Variants in TTN observed in about 807,000 individuals in gnomAD.
The protein encoded by TTN is connectin.
In TTN, 1,525 loss-of-function variants were observed where a neutral mutation model predicts 3,223.0. That is an observed-to-expected ratio of 0.47 (90% CI 0.45 to 0.49). The LOEUF is 0.49. Ranked by LOEUF, TTN falls within the 20% of genes least tolerant of loss-of-function variation. The pLI is 0.00. For missense variants in TTN, 40,786 were observed against 43,424.0 expected (o/e 0.94, Z 5.40); for synonymous variants, 14,094 against 15,161.0 (o/e 0.93, Z 5.17).
rs13011633 is a variant in TTN at position 178,771,192 on chromosome 2, C to A, written c.8116+19G>T. 1.2e-6 allele frequency: 2 copies of A among 1,613,602 alleles called. No individual in the cohort carries two copies. The highest frequency in any genetic ancestry group is 1.7e-6 in the Non-Finnish European group (2 of 1,179,950). On this transcript the variant is annotated intron_variant, in intron 34 of 362. Coordinates refer to ENST00000589042, the MANE Select transcript of TTN (RefSeq NM_001267550.2). ...AGATTGTAATATGATTTGAAAAGGA[C>A]AAATCCTATGTTACTTGCCTTCAAC...
At chr2:178,708,893 A>G (rs2076247863) in intron 99 of TTN, among the ~76,000 whole-genome samples, 2 of 152,178 alleles carry the variant, frequency 1.3e-5, no homozygotes, top group South Asian at 4.1e-4. Flanking sequence ...TGATGAAGCT[A>G]TGTTGTAATT....
In TTN at chr2:178,652,264, C is replaced by A. The variant is rs1334646153; in HGVS notation, c.39211G>T (p.Val13071Phe). Residue 13071 changes from valine (V) to phenylalanine (F), a missense_variant and splice_region_variant, in exon 203 of 363, where the codon GTC (valine) becomes TTC (phenylalanine). Val to Phe is a conservative substitution (Grantham distance 50). Coordinates refer to ENST00000589042, the MANE Select transcript of TTN (RefSeq NM_001267550.2). Reference sequence around the variant, plus strand: ...AACACAGCACCATGAGGGTGTCTACCTTTTGTGGGTGGCACTTCAGGCTTT... The same window carrying A: ...AACACAGCACCATGAGGGTGTCTACATTTTGTGGGTGGCACTTCAGGCTTT... ...PKKPEVPPTKVPEVPKVAVPE... is the reference protein window; with the variant it reads ...PKKPEVPPTKFPEVPKVAVPE... 6.2e-7 allele frequency: 1 copy of A among 1,613,544 alleles called. No homozygotes were observed. The highest frequency in any genetic ancestry group is 1.7e-5 in the Admixed American group (1 of 59,984).
intron 69 of TTN, chr2:178,726,781 A>C (rs1448699203): frequency 4.3e-6 from 1 of 230,798 alleles, no homozygotes; most frequent in Non-Finnish European, 8.3e-6. Flanking sequence ...ATTGAAAGCA[A>C]AAGACTAATT....
In TTN at chr2:178,543,557, T is replaced by C. The variant is rs878960097; in HGVS notation, c.96416A>G (p.Asn32139Ser). ...AGCTTCACGCTTCTCAACGATGTAA[T>C]TGTTGACTGGAGCTCCACCATCAAT... is the stretch of plus-strand genomic sequence containing the variant. ...PTIDGGAPVN[N>S]YIVEKREAAM... The change falls in exon 347 of 363, where the codon AAT becomes AGT. Residue 32139 changes from asparagine to serine, a missense_variant. By Grantham distance (46) the Asn-to-Ser change is conservative (BLOSUM62 1). Coordinates refer to ENST00000589042, the MANE Select transcript of TTN (RefSeq NM_001267550.2). The C allele has an allele frequency of 4.1e-5, 66 of 1,611,398 alleles. No individual in the cohort carries two copies. Among genetic ancestry groups the C allele is most frequent in the Non-Finnish European group, 5.0e-5 (59 of 1,179,750 alleles).
chr2:178,635,268 A>T lies in TTN; in HGVS notation c.41921T>A (p.Val13974Asp). The change falls in exon 228 of 363, where the codon GTT becomes GAT. Residue 13974 changes from valine to aspartate, a missense_variant. Transcript: ENST00000589042. ...TGCACTTTCTTTCTCATAAATGGTAACGTCCTCTATTGGTTTAAGCAGTTC... is the reference window on the plus strand; with the variant it reads ...TGCACTTTCTTTCTCATAAATGGTATCGTCCTCTATTGGTTTAAGCAGTTC... ...EVELLKPIED[V>D]TIYEKESASF... 1.2e-6 allele frequency: 2 copies of T among 1,613,322 alleles called. No homozygotes were observed. The highest frequency in any genetic ancestry group is 1.7e-6 in the Non-Finnish European group (2 of 1,179,534).
chr2:178,718,941 C>T lies in TTN; in HGVS notation c.24259G>A (p.Val8087Met). Residue 8087 changes from valine to methionine, a missense_variant, in exon 84 of 363, where the codon GTG becomes ATG. Val to Met is a conservative substitution (Grantham distance 21, BLOSUM62 1). Transcript: ENST00000589042. ...AGGCTCATTCCAGGCAAAACTTCCA[C>T]AGAATCAGGGGTTTGTTCAAAAGAT... is the stretch of plus-strand genomic sequence containing the variant. The part of the protein sequence containing the change: ...PPSFEQTPDS[V>M]EVLPGMSLTF... 6.2e-7 allele frequency: 1 copy of T among 1,610,924 alleles called. No homozygotes were observed. Among genetic ancestry groups the T allele is most frequent in the Non-Finnish European group, 8.5e-7 (1 of 1,178,496 alleles).
intron 326 of TTN, chr2:178,558,926 ACAAT>A: frequency 2.3e-6 from 1 of 428,570 alleles, no homozygotes; most frequent in Non-Finnish European, 4.1e-6. Flanking sequence ...AACAAGATGA[ACAAT>A]CTTTTAAAAA....
intron 71 of TTN, 152 bp from the exon 72 acceptor site, chr2:178,724,690 G>T: frequency 1.5e-6 from 1 of 667,446 alleles, no homozygotes; most frequent in Non-Finnish European, 2.1e-6. Flanking sequence ...ATTACATGCA[G>T]TCATAGAATT....
In TTN at chr2:178,620,613, C is replaced by T; in HGVS notation, c.45908G>A (p.Arg15303Lys). ...ANLIVEEEDL[R>K]IVEPLKDIET... ...AATATCTTTAAGAGGCTCAACAATC[C>T]TAAGGTCTTCCTCTGTTGTAAAGGA... The change falls in exon 248 of 363, where the codon AGG becomes AAG. Residue 15303 changes from arginine (R) to lysine (K), a missense_variant. By Grantham distance (26) the Arg-to-Lys change is conservative. Coordinates refer to ENST00000589042, the MANE Select transcript of TTN (RefSeq NM_001267550.2). 1 of 1,608,048 alleles carries T rather than the reference C, an allele frequency of 6.2e-7. No homozygotes were observed. Among genetic ancestry groups the T allele is most frequent in the Non-Finnish European group, 8.5e-7 (1 of 1,177,882 alleles).
intron 263 of TTN, among the ~76,000 whole-genome samples, chr2:178,613,543 A>G (rs1252445378): frequency 6.6e-6 from 1 of 151,976 alleles, no homozygotes; most frequent in Non-Finnish European, 1.5e-5. Context: ...AAACTTCCTG[A>G]AGGTTAATAT....
Position 178,667,836 on chromosome 2 carries a change from T to C in TTN, c.35546-115A>G, listed in dbSNP as rs1305578834. The C allele has an allele frequency of 4.3e-6, 3 of 703,930 alleles. No homozygotes were observed. In the African/African-American group the frequency reaches 5.4e-5, roughly 13 times the overall value. 43.6% of individuals were successfully genotyped at this position (703,930 alleles called of 1,614,324 possible). ...CATCACCAAAATTAATAGTAGCACA[T>C]AGAGGCAAATTAGTGGCTAGAATGC... On this transcript the variant is annotated intron_variant, in intron 159 of 362. Coordinates refer to ENST00000589042, the MANE Select transcript of TTN (RefSeq NM_001267550.2).
intron 336 of TTN, chr2:178,550,623 G>A (rs1159595200): frequency 7.3e-6 from 3 of 409,558 alleles, no homozygotes; most frequent in Non-Finnish European, 1.3e-5. Flanking sequence ...GGATGATTGT[G>A]TTGTTGGATG....
chr2:178,591,735 C>G lies in TTN; in HGVS notation c.60084G>C (p.Lys20028Asn). 6.2e-7 allele frequency: 1 copy of G among 1,613,334 alleles called. No individual in the cohort carries two copies. The highest frequency in any genetic ancestry group is 1.7e-4 in the Middle Eastern group (1 of 6,056). ...EEGTQDWIKF[K>N]TVTNLECVVT... ...CCACACACTCTAAGTTTGTCACAGTCTTAAATTTAATCCAGTCCTGGGTGC... is the reference window on the plus strand; with the variant it reads ...CCACACACTCTAAGTTTGTCACAGTGTTAAATTTAATCCAGTCCTGGGTGC... The change falls in exon 303 of 363, where the codon AAG (lysine) becomes AAC (asparagine). Residue 20028 changes from lysine to asparagine, a missense_variant. Physicochemically the swap from Lys to Asn is moderately conservative, Grantham distance 94. Coordinates refer to ENST00000589042, the MANE Select transcript of TTN (RefSeq NM_001267550.2).
At chr2:178,707,926 T>C (rs879022335) in intron 99 of TTN, 113 bp from the exon 100 acceptor site, 8 of 1,080,382 alleles carry the variant, frequency 7.4e-6, no homozygotes, top group Non-Finnish European at 1.1e-5. Flanking sequence ...ACTGTTGCTG[T>C]AGTAGGACAG....
At position 178,641,838 on chromosome 2, in the gene TTN, TGTG is replaced by T. The variant is rs572347134; in HGVS notation, c.40558+396_40558+398del. On this transcript the variant is annotated intron_variant, in intron 219 of 362. Transcript: ENST00000589042. The stretch of plus-strand genomic sequence containing the variant: ...TTTTTTAAAAATGTTATTTATTAGT[TGTG>T]GTGATCCTGTGTCACACTTTAAAAC... Among the ~76,000 whole-genome samples the T allele has an allele frequency of 2.0e-4, 30 of 152,032 alleles. No homozygotes were observed. The South Asian group carries it at 5.8e-3, about 29-fold the overall frequency.
In TTN at chr2:178,533,831, G is replaced by A; in HGVS notation, c.102784C>T (p.Leu34262=). Residue 34262 remains leucine (L), a synonymous_variant, in exon 358 of 363, where the codon CTG becomes TTG. Transcript: ENST00000589042. ...RLLERPPEFT[L]PLYNKTAYVG... ...TAAGCTGTCTTATTATAGAGAGGCAGGGTAAATTCTGGTGGCCTTTCCAGG... is the reference window on the plus strand; with the variant it reads ...TAAGCTGTCTTATTATAGAGAGGCAAGGTAAATTCTGGTGGCCTTTCCAGG... 2 of 1,613,930 alleles carry A rather than the reference G, an allele frequency of 1.2e-6. No individual in the cohort carries two copies. Among genetic ancestry groups the A allele is most frequent in the Non-Finnish European group, 1.7e-6 (2 of 1,179,860 alleles).
At chr2:178,725,109 C>G in intron 71 of TTN, 1 of 367,768 alleles carries the variant, frequency 2.7e-6, no homozygotes, top group East Asian at 4.1e-5. Flanking sequence ...CATGCTTAAT[C>G]AAAGAGAGTC....
rs1224706842 is a variant in TTN, at chr2:178,593,337, C to T, written c.58871G>A (p.Arg19624Gln). The T allele has an allele frequency of 5.6e-6, 9 of 1,613,292 alleles. No homozygotes were observed. The highest frequency in any genetic ancestry group is 2.2e-5 in the East Asian group (1 of 44,750). Reference protein sequence around the residue: ...ILEKRETMSKRWARVTKDPIH... With the variant: ...ILEKRETMSKQWARVTKDPIH... ...AGGATCTTTGGTAACTCTAGCCCAT[C>T]GTTTAGACATAGTTTCTCTCTTTTC... The change falls in exon 299 of 363, where the codon CGA becomes CAA. Residue 19624 changes from arginine (R) to glutamine (Q), a missense_variant. Transcript: ENST00000589042.
rs747551291 is a variant in TTN at position 178,733,681 on chromosome 2, G to A, written c.15708C>T (p.Gly5236=). Residue 5236 remains glycine (G), a synonymous_variant, in exon 53 of 363, where the codon GGC becomes GGT. Transcript: ENST00000589042. Reference sequence around the variant, plus strand: ...CATTTTCAGCCAGGCACGTGTATTTGCCTCCAAAACTAATCTGAACATCAG... The same window carrying A: ...CATTTTCAGCCAGGCACGTGTATTTACCTCCAAAACTAATCTGAACATCAG... The part of the protein sequence containing the change: ...IIPDVQISFG[G]KYTCLAENEA... 6.2e-7 allele frequency: 1 copy of A among 1,613,764 alleles called. No individual in the cohort carries two copies. The highest frequency in any genetic ancestry group is 1.1e-5 in the South Asian group (1 of 91,066).
Sources: allele counts gnomAD v4.1 joint callset (sites outside exome capture counted in the v4.1 genomes callset), GRCh38; gene constraint gnomAD v4.1.1; transcripts MANE v1.5; gene names NCBI Gene and HGNC (gene_info 2026-07-23, HGNC 2026-07-21).